The following ESCO2 variants were observed in gnomAD, a reference collection of about 807,000 sequenced individuals.
ESCO2 encodes the protein establishment of sister chromatid cohesion N-acetyltransferase 2.
A neutral mutation model predicts 61.7 loss-of-function variants in ESCO2; 51 were observed. That is an observed-to-expected ratio of 0.83 (90% CI 0.66 to 1.04). ESCO2 has a LOEUF of 1.04. Among genes scored for constraint, ESCO2 ranks in the 50% least tolerant of loss-of-function variants. ESCO2 has a pLI of 0.00. For missense variants in ESCO2, 692 were observed against 686.2 expected (o/e 1.01, Z -0.09); for synonymous variants, 230 against 238.2 (o/e 0.97, Z 0.32).
chr8:27,777,335 T>C, intron 3 of ESCO2, 166 bp downstream of exon 3: 2 of 635,756 alleles, frequency 3.1e-6, no homozygotes, highest in Non-Finnish European at 4.9e-6. Flanking sequence ...AGACAGGGTC[T>C]TTCTTTATGA....
chr8:27,791,812 T>A (rs937925282), intron 7 of ESCO2, 151 bp from the exon 8 acceptor site: 7 of 713,628 alleles, frequency 9.8e-6, no homozygotes, highest in South Asian at 3.4e-5. Flanking sequence ...CTTTTATTTC[T>A]CTTCCCACAT....
chr8:27,803,884 T>G lies in ESCO2; in HGVS notation c.*446T>G. 1.0e-6 allele frequency: 1 copy of G among 990,052 alleles called. No homozygotes were observed. The highest frequency in any genetic ancestry group is 1.2e-6 in the Non-Finnish European group (1 of 834,130). 61.3% of individuals were successfully genotyped at this position (990,052 alleles called of 1,614,324 possible). On this transcript the variant is annotated 3_prime_UTR_variant, in exon 11 of 11. Transcript: ENST00000305188. ...TTGGGCAAGTAATTTCTGTGCCCAATTTGTAAAGGGAATTCCTGAATTTTT... is the reference window on the plus strand; with the variant it reads ...TTGGGCAAGTAATTTCTGTGCCCAAGTTGTAAAGGGAATTCCTGAATTTTT...
At chr8:27,788,746 A>G in intron 6 of ESCO2, 101 bp from the exon 7 acceptor site, 2 of 1,498,008 alleles carry the variant, frequency 1.3e-6, no homozygotes, top group South Asian at 1.2e-5. Context: ...CAGCAGGAAA[A>G]AAAAAATTAG....
At chr8:27,773,918 T>C (rs2128950205), upstream of ESCO2, among the ~76,000 whole-genome samples, 1 of 152,224 alleles carries the variant, frequency 6.6e-6, no homozygotes, top group East Asian at 1.9e-4. Context: ...AGCAATTGTT[T>C]TGGGTTCTCC....
downstream of ESCO2, chr8:27,810,196 G>A: frequency 1.4e-6 from 1 of 716,128 alleles, no homozygotes; most frequent in East Asian, 2.6e-5. Flanking sequence ...AAGAAACTAT[G>A]GTCCTCAAAT....
downstream of ESCO2, among the ~76,000 whole-genome samples, chr8:27,808,882 G>A (rs112112545): frequency 9.2e-3 from 1,402 of 152,278 alleles, 24 homozygotes; most frequent in African/African-American, 0.032. Context: ...TCAAGGGGCA[G>A]TGCATGCTGG....
chr8:27,788,820 GTTTC>G (rs747718899), intron 6 of ESCO2, 23 bp from the exon 7 acceptor site: 6 of 1,613,560 alleles, frequency 3.7e-6, no homozygotes, highest in African/African-American at 1.3e-5. Context: ...ATTTAAATGG[GTTTC>G]TTTTTTTACC....
chr8:27,808,828 T>C (rs1272077538), downstream of ESCO2, among the ~76,000 whole-genome samples: 4 of 152,160 alleles, frequency 2.6e-5, no homozygotes, highest in Non-Finnish European at 5.9e-5. Flanking sequence ...TGGTAGCAGA[T>C]TGTCTGCAAT....
In ESCO2 at chr8:27,776,596, A is replaced by G; in HGVS notation, c.288A>G (p.Pro96=). 6.2e-7 allele frequency: 1 copy of G among 1,614,150 alleles called. No homozygotes were observed. ...ACCAAAATAAGTGGTACCTCAATCC[A>G]CTGGAGAGAAAGCTGATAAAAGAGA... ...FYNQNKWYLN[P]LERKLIKESR... Residue 96 remains proline (P), a synonymous_variant, in exon 3 of 11, where the codon CCA becomes CCG. Coordinates refer to ENST00000305188, the MANE Select transcript of ESCO2 (RefSeq NM_001017420.3).
rs1444168101 is a variant in ESCO2 at position 27,799,522 on chromosome 8, C to G, written c.1498-19C>G. 1 of 1,613,498 alleles carries G rather than the reference C, an allele frequency of 6.2e-7. No individual in the cohort carries two copies. Among genetic ancestry groups the G allele is most frequent in the Admixed American group, 1.7e-5 (1 of 59,994 alleles). Reference sequence around the variant, plus strand: ...TCATCTGTGGTGTTAGCTATAGATGCTTCTGTATATCATTGCAGGCATTTC... The same window carrying G: ...TCATCTGTGGTGTTAGCTATAGATGGTTCTGTATATCATTGCAGGCATTTC... On this transcript the variant is annotated intron_variant, in intron 9 of 10. Coordinates refer to ENST00000305188, the MANE Select transcript of ESCO2 (RefSeq NM_001017420.3).
downstream of ESCO2, among the ~76,000 whole-genome samples, chr8:27,815,912 A>G (rs1286435135): frequency 1.3e-5 from 2 of 152,222 alleles, no homozygotes; most frequent in African/African-American, 2.4e-5. Flanking sequence ...GTTTGATGAG[A>G]TCATAAACTA....
At position 27,780,261 on chromosome 8, in the gene ESCO2, A is replaced by G. The variant is rs1339147984; in HGVS notation, c.949A>G (p.Lys317Glu). The change falls in exon 4 of 11, where the codon AAG (lysine) becomes GAG (glutamate). Residue 317 changes from lysine (K) to glutamate (E), a missense_variant. Lys to Glu is a moderately conservative substitution (Grantham distance 56, BLOSUM62 1). Coordinates refer to ENST00000305188, the MANE Select transcript of ESCO2 (RefSeq NM_001017420.3). ...TTCAGAGGATTCTCTTGGTGAGAAT[A>G]AGACAAGTAAGAGAAAACTCGCATG... Reference protein sequence around the residue: ...FSSEDSLGENKTISPKSTVYP... With the variant: ...FSSEDSLGENETISPKSTVYP... 1 of 1,589,224 alleles carries G rather than the reference A, an allele frequency of 6.3e-7. No homozygotes were observed. Among genetic ancestry groups the G allele is most frequent in the East Asian group, 2.2e-5 (1 of 44,650 alleles).
At position 27,802,630 on chromosome 8, in the gene ESCO2, A is replaced by AAATAT. The variant is rs1554557661; in HGVS notation, c.1674-675_1674-674insATATA. On this transcript the variant is annotated intron_variant, in intron 10 of 10. Transcript: ENST00000305188. Reference sequence around the variant, plus strand: ...CTCAAAAAAAAAAAAAAAAAAAAAAAATATATATATATATATATATATATA... The same window carrying AAATAT: ...CTCAAAAAAAAAAAAAAAAAAAAAAAAATATATATATATATATATATATATATATA... 3.7e-4 allele frequency among the ~76,000 whole-genome samples: 17 copies of AAATAT among 45,840 alleles called. No individual in the cohort carries two copies. The East Asian group carries it at 6.3e-3, about 17-fold the overall frequency. The allele number at this position is 45,840 out of a possible 152,430, so 30.1% of individuals were successfully genotyped here. A position where few individuals can be genotyped will look rare whatever the true frequency, so the allele number is the denominator to read the frequency against.
At chr8:27,775,863 A>AGCTATT (rs1804777768) in intron 2 of ESCO2, among the ~76,000 whole-genome samples, 1 of 152,208 alleles carries the variant, frequency 6.6e-6, no homozygotes, top group African/African-American at 2.4e-5. Context: ...ATACCAAATC[A>AGCTATT]GCTATTACCT....
chr8:27,784,747 G>A (rs943592940), intron 5 of ESCO2, among the ~76,000 whole-genome samples: 2 of 152,146 alleles, frequency 1.3e-5, no homozygotes, highest in African/African-American at 2.4e-5. Flanking sequence ...GTTTCTTATG[G>A]TCTAAACATC....
At chr8:27,782,422 C>T (rs1293290053) in intron 4 of ESCO2, among the ~76,000 whole-genome samples, 3 of 152,106 alleles carry the variant, frequency 2.0e-5, no homozygotes, top group South Asian at 2.1e-4. Flanking sequence ...CCACCATGCC[C>T]GGCTAATTTT....
intron 9 of ESCO2, among the ~76,000 whole-genome samples, chr8:27,793,383 G>A (rs1361475853): frequency 1.3e-5 from 2 of 151,664 alleles, no homozygotes; most frequent in Non-Finnish European, 2.9e-5. Flanking sequence ...ATTGTAAAAT[G>A]ACTAAATCAA....
In ESCO2 at chr8:27,804,973, T is replaced by C. The variant is rs966808521; in HGVS notation, c.*1535T>C. 9 of 303,694 alleles carry C rather than the reference T, an allele frequency of 3.0e-5. No individual in the cohort carries two copies. Among genetic ancestry groups the C allele is most frequent in the African/African-American group, 2.0e-4 (9 of 44,016 alleles). 18.8% of individuals were successfully genotyped at this position (303,694 alleles called of 1,614,324 possible). A position where few individuals can be genotyped will look rare whatever the true frequency, so the allele number is the denominator to read the frequency against. On this transcript the variant is annotated 3_prime_UTR_variant, in exon 11 of 11. Coordinates refer to ENST00000305188, the MANE Select transcript of ESCO2 (RefSeq NM_001017420.3). Reference sequence around the variant, plus strand: ...AAATAAAATTCAGATAATACAGAAATAGAGATTGCCAAAAGAAGAGGCTTC... The same window carrying C: ...AAATAAAATTCAGATAATACAGAAACAGAGATTGCCAAAAGAAGAGGCTTC...
intron 3 of ESCO2, chr8:27,778,417 C>A (rs937563332): frequency 6.6e-6 from 1 of 152,026 alleles, no homozygotes; most frequent in South Asian, 2.1e-4. Flanking sequence ...TTTACTAATT[C>A]ATTTTCTGTT....
Sources: gnomAD v4.1 joint callset for allele counts (sites outside exome capture counted in the v4.1 genomes callset) on GRCh38, gnomAD v4.1.1 for gene constraint, MANE v1.5 for transcripts, NCBI Gene and HGNC (gene_info 2026-07-23, HGNC 2026-07-21) for gene names.